The following XIRP2 variants were observed in gnomAD, a reference collection of about 807,000 sequenced individuals.
The protein encoded by XIRP2 is xin actin binding repeat containing 2.
XIRP2 carries 236 observed loss-of-function variants against 277.0 expected under a neutral mutation model. That is an observed-to-expected ratio of 0.85 (90% confidence interval 0.77 to 0.95). The LOEUF is 0.95. XIRP2 is among the 40% of genes least tolerant of loss of function. The pLI is 0.00. For synonymous variants in XIRP2, 1,490 were observed against 1,416.5 expected (o/e 1.05, Z -1.17); for missense variants, 4,640 against 4,157.5 (o/e 1.12, Z -3.19).
chr2:167,137,849 G>A (rs1236419135), intron 3 of XIRP2, among the ~76,000 whole-genome samples: 6 of 152,008 alleles, frequency 3.9e-5, no homozygotes, highest in East Asian at 1.9e-4. Context: ...TTCCTACGTA[G>A]CAATACATTT....
At chr2:167,027,964 A>G (rs1294180686) in intron 2 of XIRP2, among the ~76,000 whole-genome samples, 2 of 152,068 alleles carry the variant, frequency 1.3e-5, no homozygotes, top group Non-Finnish European at 2.9e-5. Context: ...CAGTGAGAAG[A>G]GGCATCACAC....
chr2:167,118,884 T>A (rs1210171658), intron 2 of XIRP2, among the ~76,000 whole-genome samples: 1 of 151,792 alleles, frequency 6.6e-6, no homozygotes, highest in Non-Finnish European at 1.5e-5. Flanking sequence ...GACCAAGAAA[T>A]AAGAAGAAAG....
chr2:166,946,129 A>G (rs1308895984), intron 2 of XIRP2, among the ~76,000 whole-genome samples: 1 of 152,198 alleles, frequency 6.6e-6, no homozygotes, highest in Non-Finnish European at 1.5e-5. Flanking sequence ...ACAGAATATA[A>G]CAATGACAAT....
At chr2:167,113,215 C>T (rs1262765971) in intron 2 of XIRP2, among the ~76,000 whole-genome samples, 1 of 151,936 alleles carries the variant, frequency 6.6e-6, no homozygotes, top group African/African-American at 2.4e-5. Flanking sequence ...TAATTTTCCG[C>T]CTTGATGATT....
At chr2:167,147,306 C>T (rs1691889963) in intron 3 of XIRP2, among the ~76,000 whole-genome samples, 2 of 152,160 alleles carry the variant, frequency 1.3e-5, no homozygotes, top group Admixed American at 6.5e-5. Context: ...AACCCTGTAT[C>T]TCCAAAGAAA....
At chr2:166,951,940 G>A (rs758731130) in intron 2 of XIRP2, among the ~76,000 whole-genome samples, 5 of 151,966 alleles carry the variant, frequency 3.3e-5, no homozygotes, top group Non-Finnish European at 5.9e-5. Flanking sequence ...ATCGTGCTTC[G>A]AACTTTTATG....
intron 2 of XIRP2, among the ~76,000 whole-genome samples, chr2:166,969,126 G>A (rs575719282): frequency 1.3e-5 from 2 of 152,000 alleles, no homozygotes; most frequent in East Asian, 1.9e-4. Context: ...CTAAATCTAC[G>A]TGTTTCTTCA....
At position 167,249,277 on chromosome 2, in the gene XIRP2, C is replaced by G; in HGVS notation, c.7885C>G (p.Leu2629Val). Residue 2629 changes from leucine (L) to valine (V), a missense_variant, in exon 9 of 11, where the codon CTC becomes GTC. Physicochemically the swap from Leu to Val is conservative, Grantham distance 32. Transcript: ENST00000409195. The part of the protein sequence containing the change: ...RILGVCSDNQ[L>V]STTSPETVAA... The stretch of plus-strand genomic sequence containing the variant: ...ACTAGGAGTGTGTTCTGATAACCAA[C>G]TCTCCACAACATCGCCAGAAACAGT... The G allele has an allele frequency of 1.2e-6, 2 of 1,613,824 alleles. No homozygotes were observed.
chr2:167,092,131 A>G (rs1371604544), intron 2 of XIRP2, among the ~76,000 whole-genome samples: 1 of 152,116 alleles, frequency 6.6e-6, no homozygotes, highest in Admixed American at 6.5e-5. Context: ...GGGATTTTGA[A>G]CCAAGTTACC....
At chr2:166,936,504 T>C (rs1280341345) in intron 2 of XIRP2, among the ~76,000 whole-genome samples, 3 of 152,224 alleles carry the variant, frequency 2.0e-5, no homozygotes, top group African/African-American at 7.2e-5. Flanking sequence ...ATGTCCTGAA[T>C]GGTATTGCCT....
At chr2:167,134,869 C>T (rs770498783) in intron 2 of XIRP2, among the ~76,000 whole-genome samples, 2 of 152,070 alleles carry the variant, frequency 1.3e-5, no homozygotes, top group Non-Finnish European at 2.9e-5. Context: ...AAGTGAATCA[C>T]GGTGGGTAGT....
intron 2 of XIRP2, among the ~76,000 whole-genome samples, chr2:167,128,805 A>T (rs1217625499): frequency 6.6e-6 from 1 of 151,956 alleles, no homozygotes; most frequent in Non-Finnish European, 1.5e-5. Context: ...TTGTTACAAT[A>T]CTCACTTGAT....
chr2:166,938,849 G>A (rs1039371942), intron 2 of XIRP2, among the ~76,000 whole-genome samples: 6 of 152,106 alleles, frequency 3.9e-5, no homozygotes, highest in African/African-American at 1.4e-4. Context: ...TTATGTAATG[G>A]CCTCTTTTGT....
At chr2:167,149,237 T>C (rs988600480) in intron 3 of XIRP2, among the ~76,000 whole-genome samples, 1 of 152,182 alleles carries the variant, frequency 6.6e-6, no homozygotes, top group Admixed American at 6.6e-5. Context: ...ACCTGTAACT[T>C]AATTTATACT....
chr2:166,903,674 C>G lies in XIRP2; in HGVS notation c.192C>G (p.Tyr64Ter), dbSNP rs1417572107. 3 of 1,613,486 alleles carry G rather than the reference C, an allele frequency of 1.9e-6. No homozygotes were observed. Among genetic ancestry groups the G allele is most frequent in the Non-Finnish European group, 2.5e-6 (3 of 1,179,790 alleles). The change falls in exon 2 of 11, where the codon TAC becomes TAG. Residue 64 changes from tyrosine (Y) to a stop codon, truncating the protein, a stop_gained. Transcript: ENST00000409195. LOFTEE classifies it high-confidence loss of function. Reference protein sequence around the residue: ...PQSLDPTSLPYSTGEEMWSSK... With the variant: ...PQSLDPTSLP ...CTTTGGATCCCACAAGTCTGCCCTA[C>G]AGTACAGGGGAAGAGATGTGGAGTT... is the stretch of plus-strand genomic sequence containing the variant.
chr2:166,999,492 A>G (rs563657243), intron 2 of XIRP2, among the ~76,000 whole-genome samples: 2 of 152,262 alleles, frequency 1.3e-5, no homozygotes, highest in South Asian at 4.1e-4. Context: ...ATAACAAAGA[A>G]ACCATTGGCA....
intron 5 of XIRP2, among the ~76,000 whole-genome samples, chr2:167,231,765 C>T (rs925885711): frequency 1.3e-5 from 2 of 152,024 alleles, no homozygotes; most frequent in South Asian, 4.2e-4. Flanking sequence ...ACATGAGAAG[C>T]AGGGACCATA....
At chr2:167,084,106 A>G (rs1220179778) in intron 2 of XIRP2, among the ~76,000 whole-genome samples, 1 of 152,166 alleles carries the variant, frequency 6.6e-6, no homozygotes, top group Non-Finnish European at 1.5e-5. Flanking sequence ...TTATTTTGAA[A>G]TACATCCCAT....
intron 2 of XIRP2, among the ~76,000 whole-genome samples, chr2:167,040,125 C>A (rs1239415078): frequency 6.6e-6 from 1 of 151,516 alleles, no homozygotes; most frequent in Non-Finnish European, 1.5e-5. Context: ...TGTTCAACAG[C>A]CATTTAATTT....
Sources: gnomAD v4.1 joint callset for allele counts (sites outside exome capture counted in the v4.1 genomes callset) on GRCh38, gnomAD v4.1.1 for gene constraint, MANE v1.5 for transcripts, NCBI Gene and HGNC (gene_info 2026-07-23, HGNC 2026-07-21) for gene names.